WDFY2: variants seen among roughly 807,000 people sequenced by gnomAD.
WDFY2 encodes the protein WD repeat and FYVE domain-containing protein 2.
Under a neutral mutation model 56.4 loss-of-function variants are expected in WDFY2, and 36 were observed. That is an observed-to-expected ratio of 0.64 (90% CI 0.49 to 0.84). WDFY2 has a LOEUF of 0.84. WDFY2 is among the 40% of genes least tolerant of loss of function. WDFY2 has a pLI of 0.00. For missense variants in WDFY2, 444 were observed against 512.2 expected (o/e 0.87, Z 1.29); for synonymous variants, 176 against 183.7 (o/e 0.96, Z 0.34).
intron 1 of WDFY2, among the ~76,000 whole-genome samples, chr13:51,621,903 TTC>T (rs1396692240): frequency 1.3e-5 from 2 of 152,212 alleles, no homozygotes; most frequent in Non-Finnish European, 2.9e-5. Flanking sequence ...CAGTGGGACT[TTC>T]TGTCTTTAAT....
At chr13:51,673,527 T>A (rs1428091176) in intron 2 of WDFY2, among the ~76,000 whole-genome samples, 1 of 152,246 alleles carries the variant, frequency 6.6e-6, no homozygotes, top group African/African-American at 2.4e-5. Flanking sequence ...AACACAAGAA[T>A]AATTTTTCCA....
chr13:51,737,883 A>G (rs1392116667), intron 6 of WDFY2, among the ~76,000 whole-genome samples: 4 of 152,224 alleles, frequency 2.6e-5, no homozygotes, highest in Non-Finnish European at 4.4e-5. Context: ...GCAGGAGTGT[A>G]TACCAGCAGC....
chr13:51,671,342 G>A (rs1039956902), intron 2 of WDFY2, among the ~76,000 whole-genome samples: 7 of 152,108 alleles, frequency 4.6e-5, no homozygotes, highest in African/African-American at 1.4e-4. Flanking sequence ...GCAGCGCAGA[G>A]GTGTTCCCTT....
intron 1 of WDFY2, among the ~76,000 whole-genome samples, chr13:51,633,795 C>T (rs1378670457): frequency 6.6e-6 from 1 of 152,068 alleles, no homozygotes; most frequent in Non-Finnish European, 1.5e-5. Flanking sequence ...TAGGGCAGCA[C>T]CTTTTATTGT....
chr13:51,621,366 G>A (rs1033784271), intron 1 of WDFY2, among the ~76,000 whole-genome samples: 4 of 152,112 alleles, frequency 2.6e-5, no homozygotes, highest in East Asian at 1.9e-4. Flanking sequence ...TTAGCTGGGC[G>A]TAGTGGTGGG....
At chr13:51,669,770 A>G (rs931406246) in intron 2 of WDFY2, among the ~76,000 whole-genome samples, 23 of 152,246 alleles carry the variant, frequency 1.5e-4, no homozygotes, top group Non-Finnish European at 2.1e-4. Flanking sequence ...GGCAACCTAC[A>G]TATACCATGA....
At chr13:51,606,547 A>G (rs896008869) in intron 1 of WDFY2, among the ~76,000 whole-genome samples, 1 of 152,316 alleles carries the variant, frequency 6.6e-6, no homozygotes, top group Admixed American at 6.5e-5. Context: ...ACCTTTCACA[A>G]TGAAACTGGC....
At chr13:51,649,321 C>A (rs966718880) in intron 1 of WDFY2, among the ~76,000 whole-genome samples, 2 of 151,798 alleles carry the variant, frequency 1.3e-5, no homozygotes, top group African/African-American at 4.8e-5. Flanking sequence ...ACAGCACGTG[C>A]AAGATGGACT....
intron 1 of WDFY2, among the ~76,000 whole-genome samples, chr13:51,618,634 G>T (rs1285313350): frequency 1.3e-5 from 2 of 152,202 alleles, no homozygotes; most frequent in Non-Finnish European, 2.9e-5. Context: ...AATGCAGCTT[G>T]CCTACCTTGT....
intron 2 of WDFY2, among the ~76,000 whole-genome samples, chr13:51,670,634 C>T (rs1310983401): frequency 2.6e-5 from 4 of 152,130 alleles, no homozygotes; most frequent in African/African-American, 9.7e-5. Flanking sequence ...TGACACTCCC[C>T]TTTCCAGAAC....
intron 1 of WDFY2, among the ~76,000 whole-genome samples, chr13:51,649,378 A>G (rs373548002): frequency 6.6e-6 from 1 of 150,426 alleles, no homozygotes; most frequent in Non-Finnish European, 1.5e-5. Context: ...CCAGGGCTTT[A>G]TGTGGGGGAT....
intron 1 of WDFY2, among the ~76,000 whole-genome samples, chr13:51,658,748 A>C (rs1012828150): frequency 2.6e-5 from 4 of 152,146 alleles, no homozygotes; most frequent in Non-Finnish European, 5.9e-5. Flanking sequence ...GCATAGATTT[A>C]ATTCTTATAA....
At chr13:51,728,706 A>G (rs1437648277) in intron 6 of WDFY2, among the ~76,000 whole-genome samples, 2 of 152,220 alleles carry the variant, frequency 1.3e-5, no homozygotes, top group African/African-American at 4.8e-5. Flanking sequence ...ATTGAATCCA[A>G]GGAAGAAGAT....
chr13:51,616,285 A>C (rs1954612448), intron 1 of WDFY2, among the ~76,000 whole-genome samples: 1 of 152,230 alleles, frequency 6.6e-6, no homozygotes, highest in Admixed American at 6.5e-5. Flanking sequence ...TCATAATGCC[A>C]AAATTCAGAT....
intron 2 of WDFY2, among the ~76,000 whole-genome samples, chr13:51,663,585 G>C (rs1955651414): frequency 1.3e-5 from 2 of 152,062 alleles, no homozygotes; most frequent in African/African-American, 4.8e-5. Context: ...AATTGACCTG[G>C]GCAAGAATTT....
intron 1 of WDFY2, among the ~76,000 whole-genome samples, chr13:51,617,346 CT>C (rs199732156): frequency 4.0e-4 from 59 of 146,558 alleles, no homozygotes; most frequent in Admixed American, 1.2e-3. Flanking sequence ...AATTCTTTTT[CT>C]TTTTTTTTTT....
intron 1 of WDFY2, among the ~76,000 whole-genome samples, chr13:51,648,269 A>T (rs1396159583): frequency 6.6e-6 from 1 of 152,188 alleles, no homozygotes; most frequent in Non-Finnish European, 1.5e-5. Context: ...AGCACAGTGT[A>T]TAGACTTCTC....
chr13:51,636,116 CA>C (rs1162089767), intron 1 of WDFY2, among the ~76,000 whole-genome samples: 1 of 152,104 alleles, frequency 6.6e-6, no homozygotes, highest in Non-Finnish European at 1.5e-5. Flanking sequence ...AACAATCGTC[CA>C]TTAGGTAATT....
intron 7 of WDFY2, among the ~76,000 whole-genome samples, chr13:51,745,161 G>A (rs542859247): frequency 6.6e-6 from 1 of 152,130 alleles, no homozygotes. Flanking sequence ...ATAGAGTTAC[G>A]AGTCTGTGCA....
Sources: allele counts gnomAD v4.1 joint callset (sites outside exome capture counted in the v4.1 genomes callset), GRCh38; gene constraint gnomAD v4.1.1; transcripts MANE v1.5; gene names NCBI Gene and HGNC (gene_info 2026-07-23, HGNC 2026-07-21).